The following LRRTM4 variants were observed in gnomAD, a reference collection of about 807,000 sequenced individuals.
The protein encoded by LRRTM4 is leucine rich repeat transmembrane neuronal 4.
A neutral mutation model predicts 47.6 loss-of-function variants in LRRTM4; 25 were observed. The ratio of observed to expected loss-of-function variants is 0.53; its 90% CI spans 0.38 to 0.73. The LOEUF (loss-of-function observed/expected upper bound fraction) is 0.73, where lower values mean the gene tolerates loss of function less well. LRRTM4 is among the 30% of genes least tolerant of loss of function. The pLI is 0.00. For missense variants in LRRTM4, 638 were observed against 713.4 expected (o/e 0.89, Z 1.20); for synonymous variants, 311 against 269.5 (o/e 1.15, Z -1.51).
At chr2:77,286,197 T>C (rs1676653230) in intron 3 of LRRTM4, among the ~76,000 whole-genome samples, 1 of 152,100 alleles carries the variant, frequency 6.6e-6, no homozygotes, top group Non-Finnish European at 1.5e-5. Context: ...ATGAGAATTC[T>C]GCTGGAGTAT....
chr2:77,486,223 T>C (rs972635209), intron 3 of LRRTM4, among the ~76,000 whole-genome samples: 1 of 152,170 alleles, frequency 6.6e-6, no homozygotes, highest in Non-Finnish European at 1.5e-5. Context: ...CAGAAGTAAA[T>C]AGGGGTGGCA....
rs555322517 is a variant in LRRTM4, at chr2:77,227,989, T to C, written c.1551+290329A>G. Among the ~76,000 whole-genome samples the C allele has an allele frequency of 3.3e-5, 5 of 152,160 alleles. No homozygotes were observed. In the South Asian group the frequency reaches 1.0e-3, roughly 32 times the overall value. On this transcript the variant is annotated intron_variant, in intron 3 of 3. Coordinates refer to ENST00000409884, the MANE Select transcript of LRRTM4 (RefSeq NM_001134745.3). The stretch of plus-strand genomic sequence containing the variant: ...ATTGATTTGTAACAAATATATCATC[T>C]ACGAGTTATCAGGAAAAATAAAATA...
chr2:77,275,228 C>T (rs1676311981), intron 3 of LRRTM4, among the ~76,000 whole-genome samples: 2 of 152,176 alleles, frequency 1.3e-5, no homozygotes, highest in South Asian at 4.1e-4. Context: ...CACTGATTTG[C>T]ATTGTTATTT....
At chr2:77,189,066 A>G (rs1176028645) in intron 3 of LRRTM4, among the ~76,000 whole-genome samples, 2 of 152,112 alleles carry the variant, frequency 1.3e-5, no homozygotes, top group African/African-American at 4.8e-5. Flanking sequence ...AATTTTTATA[A>G]TTTTCCAACA....
rs77141204 is a variant in LRRTM4, at chr2:77,179,197, A to C, written c.1551+339121T>G. The stretch of plus-strand genomic sequence containing the variant: ...AATAAGTGGTAAAGAAGCAAAACTT[A>C]GATCTTTGAATGCCAAGCCTAAAAC... On this transcript the variant is annotated intron_variant, in intron 3 of 3. Transcript: ENST00000409884. 2.6e-5 allele frequency among the ~76,000 whole-genome samples: 4 copies of C among 152,320 alleles called. No individual in the cohort carries two copies. In the South Asian group the frequency reaches 6.2e-4, roughly 24 times the overall value.
chr2:77,389,704 C>A (rs549878458), intron 3 of LRRTM4, among the ~76,000 whole-genome samples: 1 of 151,938 alleles, frequency 6.6e-6, no homozygotes, highest in Non-Finnish European at 1.5e-5. Flanking sequence ...AAGAAAGCAC[C>A]GCCAAATGAG....
At chr2:76,963,407 A>G (rs1480721201) in intron 3 of LRRTM4, among the ~76,000 whole-genome samples, 1 of 150,926 alleles carries the variant, frequency 6.6e-6, no homozygotes, top group East Asian at 2.0e-4. Context: ...GTATTGATCA[A>G]GTGATTAAAA....
chr2:76,901,278 A>C (rs1673621758), intron 3 of LRRTM4, among the ~76,000 whole-genome samples: 1 of 152,022 alleles, frequency 6.6e-6, no homozygotes. Context: ...TTCAGCTCCA[A>C]CTTATAAGTG....
At chr2:77,075,783 C>G (rs1460468945) in intron 3 of LRRTM4, among the ~76,000 whole-genome samples, 1 of 148,304 alleles carries the variant, frequency 6.7e-6, no homozygotes, top group Non-Finnish European at 1.5e-5. Context: ...GGCGTAGTGG[C>G]GGGCGCCTGT....
chr2:77,479,383 TTC>T (rs947347885), intron 3 of LRRTM4, among the ~76,000 whole-genome samples: 7 of 152,214 alleles, frequency 4.6e-5, no homozygotes, highest in African/African-American at 1.7e-4. Flanking sequence ...ATGAATATTT[TTC>T]TGTTAACAAA....
At chr2:77,479,621 G>A (rs894118081) in intron 3 of LRRTM4, among the ~76,000 whole-genome samples, 2 of 152,180 alleles carry the variant, frequency 1.3e-5, no homozygotes, top group Non-Finnish European at 2.9e-5. Flanking sequence ...GTCATCCAGA[G>A]CCACAGTCAG....
At chr2:76,947,814 T>C (rs1370825998) in intron 3 of LRRTM4, among the ~76,000 whole-genome samples, 4 of 151,858 alleles carry the variant, frequency 2.6e-5, no homozygotes, top group Non-Finnish European at 5.9e-5. Context: ...AGTGTGTGTT[T>C]CATTATTTGT....
At chr2:76,807,445 C>CATATATATACATATATATATACAT (rs1670541032) in intron 3 of LRRTM4, among the ~76,000 whole-genome samples, 2 of 69,308 alleles carry the variant, frequency 2.9e-5, no homozygotes, top group African/African-American at 1.8e-4. Flanking sequence ...TACGTATATA[C>CATATATATACATATATATATACAT]ATATATATAT....
intron 3 of LRRTM4, among the ~76,000 whole-genome samples, chr2:77,481,208 C>G (rs1205691656): frequency 2.0e-5 from 3 of 152,146 alleles, no homozygotes; most frequent in Non-Finnish European, 4.4e-5. Flanking sequence ...TGTGTGTTAG[C>G]TCATGGAATT....
intron 3 of LRRTM4, among the ~76,000 whole-genome samples, chr2:77,018,194 ATT>A (rs949782820): frequency 1.5e-5 from 2 of 129,074 alleles, no homozygotes; most frequent in Non-Finnish European, 3.2e-5. Context: ...CCAAAGAAAA[ATT>A]TTTTTTGTTT....
chr2:77,211,553 C>A (rs915824038), intron 3 of LRRTM4, among the ~76,000 whole-genome samples: 2 of 152,074 alleles, frequency 1.3e-5, no homozygotes, highest in African/African-American at 4.8e-5. Flanking sequence ...TACTTAGGAT[C>A]CTTATCAATA....
At position 76,845,134 on chromosome 2, in the gene LRRTM4, A is replaced by G. The variant is rs560155479; in HGVS notation, c.1552-96218T>C. Among the ~76,000 whole-genome samples the G allele has an allele frequency of 3.9e-5, 6 of 152,212 alleles. No homozygotes were observed. The South Asian group carries it at 1.0e-3, about 26-fold the overall frequency. On this transcript the variant is annotated intron_variant, in intron 3 of 3. Transcript: ENST00000409884. ...AGAACCTGACTGTAAACAAACTGAA[A>G]GACAATCAGAATAATAATACCAATG...
At position 76,852,499 on chromosome 2, in the gene LRRTM4, T is replaced by C. The variant is rs116057321; in HGVS notation, c.1552-103583A>G. ...CATCTACTTACTTTTCTGAATAGTT[T>C]AGTGAATTTTGTCTGTACAACCCTT... is the stretch of plus-strand genomic sequence containing the variant. On this transcript the variant is annotated intron_variant, in intron 3 of 3. Transcript: ENST00000409884. 2.5e-3 allele frequency among the ~76,000 whole-genome samples: 381 copies of C among 152,306 alleles called. 7 individuals are homozygous for C. Among genetic ancestry groups the C allele is most frequent in the African/African-American group, 7.9e-3 (329 of 41,570 alleles).
intron 3 of LRRTM4, among the ~76,000 whole-genome samples, chr2:76,882,870 TC>T (rs1241571429): frequency 6.6e-6 from 1 of 152,124 alleles, no homozygotes; most frequent in Non-Finnish European, 1.5e-5. Flanking sequence ...CCTCCTGTCT[TC>T]CACGGGCCTA....
Sources: allele counts gnomAD v4.1 joint callset (sites outside exome capture counted in the v4.1 genomes callset), GRCh38; gene constraint gnomAD v4.1.1; transcripts MANE v1.5; gene names NCBI Gene and HGNC (gene_info 2026-07-23, HGNC 2026-07-21).